Variants in LINGO2 observed in about 807,000 individuals in gnomAD.
LINGO2 encodes leucine rich repeat and Ig domain containing 2, also known as leucine-rich repeat and immunoglobulin-like domain-containing nogo receptor-interacting protein 2.
Under a neutral mutation model 30.6 loss-of-function variants are expected in LINGO2, and 14 were observed. That is an observed-to-expected ratio of 0.46 (90% CI 0.30 to 0.72). LINGO2 has a LOEUF of 0.72. LINGO2 is among the 30% of genes least tolerant of loss of function. The pLI, the probability that LINGO2 is intolerant of heterozygous loss-of-function variation, is 0.07. For synonymous variants in LINGO2, 317 were observed against 288.5 expected (o/e 1.10, Z -1.00); for missense variants, 729 against 751.7 (o/e 0.97, Z 0.35).
the LINGO2 span, among the ~76,000 whole-genome samples, chr9:28,856,996 G>A: frequency 6.6e-6 from 1 of 152,058 alleles, no homozygotes; most frequent in Non-Finnish European, 1.5e-5. Context: ...ATTCTTGTCA[G>A]AGAAAATGCA....
the LINGO2 span, among the ~76,000 whole-genome samples, chr9:29,175,549 C>T: frequency 1.8e-4 from 21 of 119,304 alleles, no homozygotes; most frequent in South Asian, 5.2e-3. Context: ...TTTTTTGAGA[C>T]GGAGTCTCGT....
intron 1 of LINGO2, among the ~76,000 whole-genome samples, chr9:28,551,669 T>A (rs905044778): frequency 6.6e-6 from 1 of 152,100 alleles, no homozygotes; most frequent in Non-Finnish European, 1.5e-5. Flanking sequence ...TCTATTTTTA[T>A]TTATATGCAA....
chr9:28,249,284 T>C (rs191912231), intron 4 of LINGO2, among the ~76,000 whole-genome samples: 25 of 152,246 alleles, frequency 1.6e-4, no homozygotes, highest in African/African-American at 4.8e-4. Flanking sequence ...GAAATGTTTA[T>C]TTCTGCTGAT....
intron 1 of LINGO2, among the ~76,000 whole-genome samples, chr9:28,638,785 G>T (rs529903339): frequency 6.6e-6 from 1 of 152,092 alleles, no homozygotes; most frequent in South Asian, 2.1e-4. Context: ...TGGATTCATT[G>T]ATTTTTTGAA....
At chr9:28,750,062 T>C in the LINGO2 span, among the ~76,000 whole-genome samples, 17 of 152,058 alleles carry the variant, frequency 1.1e-4, no homozygotes, top group South Asian at 2.1e-4. Flanking sequence ...AGGAGGTACA[T>C]AGAGATCATT....
intron 4 of LINGO2, among the ~76,000 whole-genome samples, chr9:28,142,951 G>T (rs951721304): frequency 6.6e-6 from 1 of 152,116 alleles, no homozygotes; most frequent in Admixed American, 6.5e-5. Context: ...TCCTATGCTG[G>T]TCTATGGGGA....
chr9:28,747,212 G>A, the LINGO2 span, among the ~76,000 whole-genome samples: 1 of 151,970 alleles, frequency 6.6e-6, no homozygotes, highest in East Asian at 1.9e-4. Context: ...GCACTGCAGA[G>A]AGAAGAGAAG....
intron 2 of LINGO2, among the ~76,000 whole-genome samples, chr9:28,452,560 A>C (rs1229084583): frequency 6.6e-6 from 1 of 151,784 alleles, no homozygotes; most frequent in Non-Finnish European, 1.5e-5. Flanking sequence ...TTTATCCCCT[A>C]CCTCATGCAA....
rs1820102677 is a variant in LINGO2 at position 28,354,842 on chromosome 9, G to A, written c.-246+17994C>T. ...CAATAAATTTGACAGGAGGTATGTT[G>A]TTGTCAGCAGCTAAGAGCAGCCAAA... On this transcript the variant is annotated intron_variant, in intron 3 of 5. Coordinates refer to ENST00000379992, the Ensembl canonical transcript of LINGO2. Among the ~76,000 whole-genome samples the A allele has an allele frequency of 2.0e-5, 3 of 152,080 alleles. No individual in the cohort carries two copies. The South Asian group carries it at 6.2e-4, about 32-fold the overall frequency.
rs542895575 is a variant in LINGO2 at position 28,091,115 on chromosome 9, A to G, written c.-86-78710T>C. Among the ~76,000 whole-genome samples, 4 of 152,336 alleles carry G rather than the reference A, an allele frequency of 2.6e-5. No homozygotes were observed. The South Asian group carries it at 6.2e-4, about 24-fold the overall frequency. Reference sequence around the variant, plus strand: ...CCATGCTCATGGATAGGAAGAATCAATATCATGAAAATGGCCATATTGCCC... The same window carrying G: ...CCATGCTCATGGATAGGAAGAATCAGTATCATGAAAATGGCCATATTGCCC... On this transcript the variant is annotated intron_variant, in intron 4 of 5. Coordinates refer to ENST00000379992, the Ensembl canonical transcript of LINGO2.
At chr9:29,064,593 T>C in the LINGO2 span, among the ~76,000 whole-genome samples, 2 of 152,184 alleles carry the variant, frequency 1.3e-5, no homozygotes, top group Non-Finnish European at 2.9e-5. Flanking sequence ...TATGTTTCTA[T>C]GAGTCAGGTA....
At chr9:28,314,854 G>A (rs1376593785) in intron 3 of LINGO2, among the ~76,000 whole-genome samples, 1 of 150,936 alleles carries the variant, frequency 6.6e-6, no homozygotes, top group African/African-American at 2.4e-5. Flanking sequence ...GCGTGGTGGC[G>A]GGCACCTGTA....
the LINGO2 span, among the ~76,000 whole-genome samples, chr9:29,135,804 C>T: frequency 2.6e-5 from 4 of 152,134 alleles, no homozygotes; most frequent in South Asian, 8.3e-4. Flanking sequence ...CTCCTAGCAA[C>T]CACCATTCTG....
At chr9:28,236,759 G>A (rs1056557407) in intron 4 of LINGO2, among the ~76,000 whole-genome samples, 1 of 152,046 alleles carries the variant, frequency 6.6e-6, no homozygotes, top group African/African-American at 2.4e-5. Flanking sequence ...GGTGTAGGAA[G>A]GGAAGTGGAA....
intron 4 of LINGO2, among the ~76,000 whole-genome samples, chr9:28,065,279 T>C (rs1197987551): frequency 6.6e-6 from 1 of 152,098 alleles, no homozygotes; most frequent in Non-Finnish European, 1.5e-5. Flanking sequence ...GAGGTTTGTA[T>C]TTGTTTTGTT....
chr9:28,167,067 C>T (rs1486540150), intron 4 of LINGO2, among the ~76,000 whole-genome samples: 1 of 151,482 alleles, frequency 6.6e-6, no homozygotes, highest in African/African-American at 2.4e-5. Context: ...TCTATGGGTA[C>T]ATGGTTTATT....
chr9:29,139,117 G>C, the LINGO2 span, among the ~76,000 whole-genome samples: 2 of 152,100 alleles, frequency 1.3e-5, no homozygotes, highest in Admixed American at 1.3e-4. Context: ...GAAACTGAGC[G>C]TAGCCTCCAG....
chr9:28,656,234 A>C (rs988979406), intron 1 of LINGO2, among the ~76,000 whole-genome samples: 1 of 152,048 alleles, frequency 6.6e-6, no homozygotes, highest in Non-Finnish European at 1.5e-5. Context: ...ATTTGTTCTA[A>C]AGCAAGTGGG....
intron 2 of LINGO2, among the ~76,000 whole-genome samples, chr9:28,396,861 C>T (rs2381414): frequency 0.35 from 53,206 of 151,658 alleles, 9,731 homozygotes; most frequent in Non-Finnish European, 0.38. Flanking sequence ...TAGAGAGAAC[C>T]TAGTAAAAAG....
Sources: allele counts gnomAD v4.1 joint callset (sites outside exome capture counted in the v4.1 genomes callset), GRCh38; gene constraint gnomAD v4.1.1; transcripts MANE v1.5; gene names NCBI Gene and HGNC (gene_info 2026-07-23, HGNC 2026-07-21).